ATP12A: variants seen among roughly 807,000 people sequenced by gnomAD.
The protein encoded by ATP12A is potassium-transporting ATPase alpha chain 2.
A neutral mutation model predicts 111.2 loss-of-function variants in ATP12A; 81 were observed. That is an observed-to-expected ratio of 0.73 (90% CI 0.61 to 0.88). The LOEUF is 0.88. ATP12A is among the 40% of genes least tolerant of loss of function. ATP12A has a pLI of 0.00. For synonymous variants in ATP12A, 498 were observed against 499.8 expected (o/e 1.00, Z 0.05); for missense variants, 1,196 against 1,313.1 (o/e 0.91, Z 1.38).
Position 24,688,432 on chromosome 13 carries a change from G to A in ATP12A, c.342G>A (p.Gly114=), listed in dbSNP as rs200518575. The A allele has an allele frequency of 3.3e-5, 54 of 1,613,994 alleles. No homozygotes were observed. Among genetic ancestry groups the A allele is most frequent in the Non-Finnish European group, 4.4e-5 (52 of 1,180,028 alleles). ...AGTTCCTCAAGCAGATGGTGGGGGG[G>A]TTCTCTATCCTCCTGTGGGTGGGCG... The part of the protein sequence containing the change: ...IVKFLKQMVG[G]FSILLWVGAF... Residue 114 remains glycine (G), a synonymous_variant, in exon 4 of 23, where the codon GGG becomes GGA. Transcript: ENST00000381946.
chr13:24,687,259 G>A (rs13378218), intron 3 of ATP12A, among the ~76,000 whole-genome samples: 15 of 152,036 alleles, frequency 9.9e-5, no homozygotes, highest in Non-Finnish European at 1.8e-4. Context: ...TCAGGAGTTC[G>A]AAACCAGCCT....
At chr13:24,694,893 C>T (rs1875072126) in intron 11 of ATP12A, among the ~76,000 whole-genome samples, 1 of 151,708 alleles carries the variant, frequency 6.6e-6, no homozygotes, top group South Asian at 2.1e-4. Flanking sequence ...ACACTCACAC[C>T]ACCACTATCA....
At chr13:24,690,813 A>G (rs1448159072) in intron 7 of ATP12A, 92 bp downstream of exon 7, 2 of 1,452,196 alleles carry the variant, frequency 1.4e-6, no homozygotes, top group Non-Finnish European at 1.9e-6. Flanking sequence ...ACCCCGTTAC[A>G]AAGCTCATCC....
chr13:24,683,137 T>C (rs1314304103), intron 2 of ATP12A, among the ~76,000 whole-genome samples: 1 of 151,326 alleles, frequency 6.6e-6, no homozygotes, highest in Non-Finnish European at 1.5e-5. Flanking sequence ...TTGTTGTTTT[T>C]AGTAGAGACG....
Position 24,692,392 on chromosome 13 carries a change from A to G in ATP12A, c.1069-37A>G, listed in dbSNP as rs1050545648. 3.1e-6 allele frequency: 5 copies of G among 1,600,708 alleles called. No homozygotes were observed. In the African/African-American group the frequency reaches 6.7e-5, roughly 21 times the overall value. ...GTATTATTGGACCTGAGTTCAAATG[A>G]GGATTTTTCCCAAAGCGTCCTTCCC... is the stretch of plus-strand genomic sequence containing the variant. On this transcript the variant is annotated intron_variant, in intron 8 of 22. Transcript: ENST00000381946.
intron 1 of ATP12A, 122 bp downstream of exon 1, chr13:24,680,874 G>A (rs1593127916): frequency 2.9e-6 from 4 of 1,363,642 alleles, no homozygotes; most frequent in South Asian, 3.3e-5. Context: ...CCCGGGGCAA[G>A]GGGAGGCCGC....
Position 24,711,476 on chromosome 13 carries a change from T to C in ATP12A, c.3092-18T>C, listed in dbSNP as rs992241404. 3 of 1,614,206 alleles carry C rather than the reference T, an allele frequency of 1.9e-6. No individual in the cohort carries two copies. The South Asian group carries it at 3.3e-5, about 18-fold the overall frequency. On this transcript the variant is annotated intron_variant, in intron 22 of 22. Transcript: ENST00000381946. ...AACAGACTCTCCATTTCTGATGTAC[T>C]TTTTTCTACCTCTACAGGCTGGTGG...
chr13:24,680,917 G>A (rs1326521319), intron 1 of ATP12A, among the ~76,000 whole-genome samples, 165 bp downstream of exon 1: 2 of 152,236 alleles, frequency 1.3e-5, no homozygotes, highest in Non-Finnish European at 2.9e-5. Flanking sequence ...CCTGGGCACC[G>A]CTTCTCTGAC....
At chr13:24,704,723 G>A in intron 14 of ATP12A, 1 of 240,618 alleles carries the variant, frequency 4.2e-6, no homozygotes, top group Non-Finnish European at 8.4e-6. Flanking sequence ...TACGAATGTG[G>A]GAAGGTGCAT....
intron 21 of ATP12A, 97 bp from the exon 22 acceptor site, chr13:24,711,221 A>G (rs1198773210): frequency 1.7e-6 from 2 of 1,183,442 alleles, no homozygotes; most frequent in African/African-American, 1.5e-5. Flanking sequence ...TTTGCAGTAA[A>G]GCAAGACAAA....
intron 4 of ATP12A, 128 bp from the exon 5 acceptor site, chr13:24,689,134 T>C (rs1874774976): frequency 1.3e-6 from 1 of 745,142 alleles, no homozygotes; most frequent in Non-Finnish European, 2.3e-6. Flanking sequence ...ATGGGCGAAT[T>C]CCATGGCCTG....
intron 2 of ATP12A, among the ~76,000 whole-genome samples, chr13:24,682,892 T>C: frequency 6.6e-6 from 1 of 151,936 alleles, no homozygotes; most frequent in East Asian, 1.9e-4. Context: ...ATTTTGTAAT[T>C]CACGTGCTTT....
chr13:24,682,273 G>GTGTGTGGTGTGTA (rs1874502334), intron 2 of ATP12A, among the ~76,000 whole-genome samples: 1 of 142,884 alleles, frequency 7.0e-6, no homozygotes, highest in Non-Finnish European at 1.5e-5. Context: ...TGTGTGTGTA[G>GTGTGTGGTGTGTA]TGTGTGGTGT....
intron 14 of ATP12A, 42 bp from the exon 15 acceptor site, chr13:24,706,271 A>T (rs761508974): frequency 6.2e-7 from 1 of 1,603,394 alleles, no homozygotes; most frequent in Non-Finnish European, 8.5e-7. Context: ...TCAACCTAAG[A>T]TCTGCCCTTG....
rs1335517406 is a variant in ATP12A, at chr13:24,698,640, CA to C, written c.1513-17del. ...TTCACCTTTCTGTAAGTAACACGCTCAGTTCATTCCTTCCCAGCTCTCCATC... is the reference window on the plus strand; with the variant it reads ...TTCACCTTTCTGTAAGTAACACGCTCGTTCATTCCTTCCCAGCTCTCCATC... On this transcript the variant is annotated splice_polypyrimidine_tract_variant and intron_variant, in intron 11 of 22. Transcript: ENST00000381946. 2.5e-6 allele frequency: 4 copies of C among 1,610,386 alleles called. No individual in the cohort carries two copies. The highest frequency in any genetic ancestry group is 3.4e-6 in the Non-Finnish European group (4 of 1,179,020).
Position 24,710,795 on chromosome 13 carries a change from TAA to T in ATP12A, c.2903_2904del (p.Lys968SerfsTer32), listed in dbSNP as rs1197379933. On this transcript the variant is annotated frameshift_variant, in exon 21 of 23. Coordinates refer to ENST00000381946, the MANE Select transcript of ATP12A (RefSeq NM_001676.7). LOFTEE classifies it high-confidence loss of function. ...SIFQQGLFRNKVIWVGITSQI... is the reference protein window; with the variant it reads ...SIFQQGLFRNXVIWVGITSQI... ...TCTGCTTTTGTGTGTCTTGCAGAAATAAAGTCATCTGGGTGGGGATCACCTCA... is the reference window on the plus strand; with the variant it reads ...TCTGCTTTTGTGTGTCTTGCAGAAATAGTCATCTGGGTGGGGATCACCTCA... The T allele has an allele frequency of 6.2e-7, 1 of 1,614,038 alleles. No individual in the cohort carries two copies. Among genetic ancestry groups the T allele is most frequent in the African/African-American group, 1.3e-5 (1 of 74,950 alleles).
chr13:24,686,907 G>C (rs113060811), intron 3 of ATP12A, among the ~76,000 whole-genome samples: 38 of 152,196 alleles, frequency 2.5e-4, no homozygotes, highest in African/African-American at 9.2e-4. Context: ...GGGCTGGGGT[G>C]GGGGCAGGGA....
chr13:24,681,488 C>A, intron 1 of ATP12A, 74 bp from the exon 2 acceptor site: 2 of 1,538,696 alleles, frequency 1.3e-6, no homozygotes, highest in Non-Finnish European at 1.8e-6. Flanking sequence ...AGGTCCTGAC[C>A]CCGCAGAGGG....
In ATP12A at chr13:24,690,611, A is replaced by G; in HGVS notation, c.689A>G (p.Asn230Ser). 2 of 1,611,566 alleles carry G rather than the reference A, an allele frequency of 1.2e-6. No individual in the cohort carries two copies. The highest frequency in any genetic ancestry group is 1.7e-6 in the Non-Finnish European group (2 of 1,178,956). ...CTTCAACATTTCTTCTAGGTGGATAACTCATCTCTCACGGGGGAGTCTGAG... is the reference window on the plus strand; with the variant it reads ...CTTCAACATTTCTTCTAGGTGGATAGCTCATCTCTCACGGGGGAGTCTGAG... ...VLSSQGCRVD[N>S]SSLTGESEPQ... The change falls in exon 7 of 23, where the codon AAC (asparagine) becomes AGC (serine). Residue 230 changes from asparagine to serine, a missense_variant. Physicochemically the swap from Asn to Ser is conservative, Grantham distance 46. Coordinates refer to ENST00000381946, the MANE Select transcript of ATP12A (RefSeq NM_001676.7).
Sources: gnomAD v4.1 joint callset for allele counts (sites outside exome capture counted in the v4.1 genomes callset) on GRCh38, gnomAD v4.1.1 for gene constraint, MANE v1.5 for transcripts, NCBI Gene and HGNC (gene_info 2026-07-23, HGNC 2026-07-21) for gene names.